Variants in DIPK1A observed in about 807,000 individuals in gnomAD.
DIPK1A encodes family with sequence similarity 69 member A.
A neutral mutation model predicts 40.8 loss-of-function variants in DIPK1A; 27 were observed. The observed-to-expected ratio is 0.66, with a 90% CI of 0.49 to 0.91. The LOEUF (loss-of-function observed/expected upper bound fraction) is 0.91. Among genes scored for constraint, DIPK1A ranks in the 40% least tolerant of loss-of-function variants. The pLI is 0.00. For missense variants in DIPK1A, 412 were observed against 505.7 expected (o/e 0.81, Z 1.78); for synonymous variants, 166 against 171.3 (o/e 0.97, Z 0.24).
chr1:92,901,854 C>T (rs952885558), intron 1 of DIPK1A, among the ~76,000 whole-genome samples: 3 of 152,078 alleles, frequency 2.0e-5, no homozygotes, highest in Non-Finnish European at 4.4e-5. Flanking sequence ...AGTCCAGTTC[C>T]AGGGAAGCAG....
At chr1:92,917,820 T>G (rs964083645) in intron 1 of DIPK1A, among the ~76,000 whole-genome samples, 2 of 152,152 alleles carry the variant, frequency 1.3e-5, no homozygotes, top group African/African-American at 4.8e-5. Flanking sequence ...AGGCAGAGGC[T>G]GTGGTGGATT....
At chr1:92,867,080 T>G (rs1475984863) in intron 2 of DIPK1A, among the ~76,000 whole-genome samples, 3 of 152,228 alleles carry the variant, frequency 2.0e-5, no homozygotes, top group Non-Finnish European at 2.9e-5. Context: ...ATACATGAAC[T>G]CATTTTATCC....
At chr1:92,887,254 TAA>T (rs60399090) in intron 1 of DIPK1A, among the ~76,000 whole-genome samples, 7 of 106,898 alleles carry the variant, frequency 6.5e-5, no homozygotes, top group Admixed American at 1.0e-4. Context: ...CCATCTCTAC[TAA>T]AAAAAAAAAA....
intron 2 of DIPK1A, among the ~76,000 whole-genome samples, chr1:92,854,151 TG>T (rs566951318): frequency 5.6e-4 from 86 of 152,304 alleles, no homozygotes; most frequent in Non-Finnish European, 9.0e-4. Flanking sequence ...CCTCCCAAAC[TG>T]CTAGATCTAC....
intron 1 of DIPK1A, among the ~76,000 whole-genome samples, chr1:92,878,820 AAAACAAACAAACAAAC>A (rs113474701): frequency 6.9e-6 from 1 of 145,788 alleles, no homozygotes; most frequent in Admixed American, 6.9e-5. Context: ...CTCTGTCTCA[AAAACAAACAAACAAAC>A]AAACAAACAA....
At chr1:92,901,062 G>C (rs1649393811) in intron 1 of DIPK1A, among the ~76,000 whole-genome samples, 1 of 151,992 alleles carries the variant, frequency 6.6e-6, no homozygotes, top group Admixed American at 6.6e-5. Flanking sequence ...TCTCTGTGTA[G>C]CTTCTTCAGC....
intron 1 of DIPK1A, among the ~76,000 whole-genome samples, chr1:92,907,701 CA>C (rs1649677801): frequency 6.6e-6 from 1 of 152,142 alleles, no homozygotes; most frequent in Admixed American, 6.5e-5. Context: ...CTCAGCCTCC[CA>C]AAGTGGTGGG....
intron 1 of DIPK1A, among the ~76,000 whole-genome samples, chr1:92,920,499 T>C (rs1200130392): frequency 6.6e-6 from 1 of 152,130 alleles, no homozygotes; most frequent in African/African-American, 2.4e-5. Context: ...ATTAGCAGTG[T>C]GAGAAGGGAC....
At chr1:92,835,040 CT>C in intron 4 of DIPK1A, 1 of 1,380,492 alleles carries the variant, frequency 7.2e-7, no homozygotes, top group Non-Finnish European at 1.0e-6. Flanking sequence ...TTCCAGTTTT[CT>C]GCTTTGTTAA....
chr1:92,861,395 C>T (rs942217772), intron 2 of DIPK1A, among the ~76,000 whole-genome samples: 1 of 131,108 alleles, frequency 7.6e-6, no homozygotes, highest in Non-Finnish European at 1.5e-5. Flanking sequence ...GGCGTGATCT[C>T]GGCTCACTGC....
At chr1:92,840,917 G>T, downstream of DIPK1A, 2 of 544,772 alleles carry the variant, frequency 3.7e-6, no homozygotes, top group Non-Finnish European at 7.0e-6. Flanking sequence ...TTCATGTTTT[G>T]ATCTTTAAAT....
intron 1 of DIPK1A, among the ~76,000 whole-genome samples, chr1:92,918,020 C>T (rs999288303): frequency 2.6e-5 from 4 of 152,048 alleles, no homozygotes; most frequent in Non-Finnish European, 4.4e-5. Flanking sequence ...TAACTAAAGA[C>T]ATAACACATA....
In DIPK1A at chr1:92,891,943, G is replaced by A. The variant is rs532089775; in HGVS notation, c.55-15513C>T. ...GCAGTCTGAGATCAAACTGCAAGGC[G>A]GCAGCGAGGCTGGGGGAGGGGTGCC... On this transcript the variant is annotated intron_variant, in intron 1 of 4. Transcript: ENST00000370310. Among the ~76,000 whole-genome samples the A allele has an allele frequency of 6.7e-4, 101 of 151,474 alleles. 1 individual carries two copies. The highest frequency in any genetic ancestry group is 2.3e-3 in the African/African-American group (95 of 40,800).
At chr1:92,889,930 G>A (rs575722922) in intron 1 of DIPK1A, among the ~76,000 whole-genome samples, 59 of 152,222 alleles carry the variant, frequency 3.9e-4, no homozygotes, top group Non-Finnish European at 7.4e-4. Flanking sequence ...GATTACAGGC[G>A]TGAGCCACCA....
intron 1 of DIPK1A, among the ~76,000 whole-genome samples, chr1:92,894,060 T>C (rs1649044974): frequency 6.6e-6 from 1 of 152,022 alleles, no homozygotes; most frequent in African/African-American, 2.4e-5. Flanking sequence ...AATGGGAGAC[T>C]TTAACACCCC....
chr1:92,834,633 A>T, intron 4 of DIPK1A: 1 of 1,031,710 alleles, frequency 9.7e-7, no homozygotes, highest in Non-Finnish European at 1.5e-6. Flanking sequence ...CCTCTAATTT[A>T]CTGGTAACCC....
At chr1:92,878,297 C>T (rs960956112) in intron 1 of DIPK1A, among the ~76,000 whole-genome samples, 1 of 152,190 alleles carries the variant, frequency 6.6e-6, no homozygotes, top group Non-Finnish European at 1.5e-5. Flanking sequence ...GTAATCCCAG[C>T]ACTTTCGGAG....
intron 1 of DIPK1A, among the ~76,000 whole-genome samples, chr1:92,902,816 T>C (rs1649471811): frequency 6.6e-6 from 1 of 152,302 alleles, no homozygotes; most frequent in East Asian, 1.9e-4. Flanking sequence ...ATTTCTCCAA[T>C]GTACTCCAGT....
intron 1 of DIPK1A, among the ~76,000 whole-genome samples, chr1:92,905,860 G>A (rs992628796): frequency 4.6e-5 from 7 of 151,954 alleles, no homozygotes; most frequent in African/African-American, 1.2e-4. Flanking sequence ...GTTTTCTCAG[G>A]ACCATTTATT....
Sources: allele counts gnomAD v4.1 joint callset (sites outside exome capture counted in the v4.1 genomes callset), GRCh38; gene constraint gnomAD v4.1.1; transcripts MANE v1.5; gene names NCBI Gene and HGNC (gene_info 2026-07-23, HGNC 2026-07-21).